NRXN1: variants seen among roughly 807,000 people sequenced by gnomAD.
The protein encoded by NRXN1 is neurexin-1.
NRXN1 carries 39 observed loss-of-function variants against 150.9 expected under a neutral mutation model. The ratio of observed to expected loss-of-function variants is 0.26; its 90% CI spans 0.20 to 0.34. NRXN1 has a LOEUF of 0.34. NRXN1 is among the 10% of genes least tolerant of loss of function. The pLI, the probability that NRXN1 is intolerant of heterozygous loss-of-function variation, is 1.00. For synonymous variants in NRXN1, 924 were observed against 757.0 expected (o/e 1.22, Z -3.62); for missense variants, 1,815 against 1,949.9 (o/e 0.93, Z 1.30).
At chr2:50,164,991 T>C (rs2059587357) in intron 18 of NRXN1, among the ~76,000 whole-genome samples, 1 of 152,132 alleles carries the variant, frequency 6.6e-6, no homozygotes, top group Admixed American at 6.6e-5. Context: ...GAGAGGTGTC[T>C]ACTCCTCACC....
chr2:50,971,877 C>T (rs1695062856), intron 2 of NRXN1, among the ~76,000 whole-genome samples: 1 of 152,076 alleles, frequency 6.6e-6, no homozygotes, highest in Admixed American at 6.6e-5. Context: ...CTTTAAATAG[C>T]AGTGTCCCTG....
At chr2:50,332,240 C>T (rs995840362) in intron 17 of NRXN1, among the ~76,000 whole-genome samples, 2 of 152,102 alleles carry the variant, frequency 1.3e-5, no homozygotes, top group Non-Finnish European at 2.9e-5. Context: ...TTCTGACTAA[C>T]AGACTGAACA....
chr2:51,009,849 G>A (rs553336766), intron 2 of NRXN1, among the ~76,000 whole-genome samples: 2 of 151,832 alleles, frequency 1.3e-5, no homozygotes, highest in South Asian at 2.1e-4. Context: ...TCTGGTTCTG[G>A]ACCCTGCATC....
chr2:50,390,344 A>G (rs1038956057), intron 17 of NRXN1, among the ~76,000 whole-genome samples: 5 of 152,144 alleles, frequency 3.3e-5, no homozygotes, highest in African/African-American at 1.2e-4. Context: ...CCCTTTGTAC[A>G]TTCTTCTTTT....
At chr2:50,075,248 A>T (rs1696910889) in intron 19 of NRXN1, among the ~76,000 whole-genome samples, 1 of 152,214 alleles carries the variant, frequency 6.6e-6, no homozygotes, top group Non-Finnish European at 1.5e-5. Flanking sequence ...TACTTTGACG[A>T]GTCACTGAAG....
At chr2:50,278,304 T>TA (rs1230362570) in intron 17 of NRXN1, among the ~76,000 whole-genome samples, 1 of 125,892 alleles carries the variant, frequency 7.9e-6, no homozygotes, top group Non-Finnish European at 1.6e-5. Flanking sequence ...ATAATATATA[T>TA]TTTATATATA....
chr2:50,477,790 A>G (rs1432101529), intron 15 of NRXN1, among the ~76,000 whole-genome samples: 3 of 152,216 alleles, frequency 2.0e-5, no homozygotes, highest in Non-Finnish European at 4.4e-5. Flanking sequence ...TTGGGGAAAA[A>G]GAAAAAGTGA....
At chr2:50,251,214 G>A (rs1257512956) in intron 17 of NRXN1, among the ~76,000 whole-genome samples, 1 of 151,906 alleles carries the variant, frequency 6.6e-6, no homozygotes, top group Non-Finnish European at 1.5e-5. Context: ...CCACTGTGGT[G>A]AGCTCCCCTT....
chr2:50,162,938 ATAAC>A (rs2059448017), intron 18 of NRXN1, among the ~76,000 whole-genome samples: 1 of 151,874 alleles, frequency 6.6e-6, no homozygotes, highest in African/African-American at 2.4e-5. Context: ...ACAACTTACT[ATAAC>A]TGCTTTTACT....
chr2:50,310,545 T>C (rs564614291), intron 17 of NRXN1, among the ~76,000 whole-genome samples: 4 of 152,126 alleles, frequency 2.6e-5, no homozygotes, highest in Non-Finnish European at 5.9e-5. Flanking sequence ...TATAAGAATA[T>C]AGCATATTTT....
intron 5 of NRXN1, among the ~76,000 whole-genome samples, chr2:50,747,234 C>T (rs1239834592): frequency 6.6e-6 from 1 of 152,126 alleles, no homozygotes; most frequent in Admixed American, 6.6e-5. Context: ...CCACTGACCT[C>T]TGGGTTGTCT....
intron 18 of NRXN1, among the ~76,000 whole-genome samples, chr2:50,154,256 A>C (rs997007659): frequency 7.2e-5 from 11 of 151,808 alleles, no homozygotes; most frequent in African/African-American, 2.7e-4. Context: ...CATTGAGTAC[A>C]ATGTATACTG....
At chr2:50,114,535 G>A (rs1702778248) in intron 18 of NRXN1, among the ~76,000 whole-genome samples, 1 of 152,142 alleles carries the variant, frequency 6.6e-6, no homozygotes, top group Non-Finnish European at 1.5e-5. Context: ...GAGAATTTAT[G>A]TCCACACAAT....
Position 50,252,331 on chromosome 2 carries a change from T to C in NRXN1, c.3365-15361A>G, listed in dbSNP as rs1190909255. On this transcript the variant is annotated intron_variant, in intron 17 of 22. Transcript: ENST00000401669. ...CTGGAATGCAGTGCGTGATCTTGGC[T>C]CACTGCAACCTCTGTCTCTTGGGTT... Among the ~76,000 whole-genome samples, 3 of 146,264 alleles carry C rather than the reference T, an allele frequency of 2.1e-5. No homozygotes were observed. The Admixed American group carries it at 2.1e-4, about 10-fold the overall frequency.
rs1363156792 is a variant in NRXN1, at chr2:50,406,770, T to C, written c.3364+58672A>G. Among the ~76,000 whole-genome samples, 3 of 152,180 alleles carry C rather than the reference T, an allele frequency of 2.0e-5. No individual in the cohort carries two copies. In the East Asian group the frequency reaches 5.8e-4, roughly 29 times the overall value. ...TTGGTTCTTATCTAATGACTGACTC[T>C]CTTCCATGTACCTTTAAAACCACTA... On this transcript the variant is annotated intron_variant, in intron 17 of 22. Coordinates refer to ENST00000401669, the MANE Select transcript of NRXN1 (RefSeq NM_001330078.2).
intron 5 of NRXN1, among the ~76,000 whole-genome samples, chr2:50,837,479 C>A (rs1414474459): frequency 6.6e-6 from 1 of 152,036 alleles, no homozygotes; most frequent in African/African-American, 2.4e-5. Flanking sequence ...GACTCATTTT[C>A]TTTCTTGCAA....
chr2:51,013,486 A>G (rs2105213328), intron 2 of NRXN1, among the ~76,000 whole-genome samples: 1 of 144,842 alleles, frequency 6.9e-6, no homozygotes, highest in African/African-American at 2.5e-5. Context: ...TAGGTTTTGT[A>G]GGGGGAGGGG....
intron 5 of NRXN1, among the ~76,000 whole-genome samples, chr2:50,777,589 T>G (rs1052247149): frequency 6.6e-6 from 1 of 152,182 alleles, no homozygotes; most frequent in African/African-American, 2.4e-5. Flanking sequence ...CATTCCATTT[T>G]ACATCCAATG....
chr2:50,879,810 G>T (rs958356619), intron 5 of NRXN1, among the ~76,000 whole-genome samples: 20 of 151,934 alleles, frequency 1.3e-4, no homozygotes, highest in African/African-American at 4.6e-4. Flanking sequence ...TATAGGAAAA[G>T]AATCTTGTCA....
Sources: gnomAD v4.1 joint callset for allele counts (sites outside exome capture counted in the v4.1 genomes callset) on GRCh38, gnomAD v4.1.1 for gene constraint, MANE v1.5 for transcripts, NCBI Gene and HGNC (gene_info 2026-07-23, HGNC 2026-07-21) for gene names.